SGCZ: variants seen among roughly 807,000 people sequenced by gnomAD.
SGCZ encodes sarcoglycan zeta.
SGCZ carries 40 observed loss-of-function variants against 41.3 expected under a neutral mutation model. The observed-to-expected ratio is 0.97, with a 90% CI of 0.75 to 1.26. The LOEUF (loss-of-function observed/expected upper bound fraction) is 1.26, where lower values mean the gene tolerates loss of function less well. Among genes scored for constraint, SGCZ ranks in the 50% most tolerant of loss-of-function variants. The probability of loss-of-function intolerance (pLI) is 0.00; values close to 1 mark genes in which losing one functional copy is unlikely to be tolerated. For missense variants in SGCZ, 552 were observed against 369.8 expected (o/e 1.49, Z -4.04); for synonymous variants, 206 against 137.5 (o/e 1.50, Z -3.49).
intron 2 of SGCZ, among the ~76,000 whole-genome samples, chr8:14,475,449 C>A (rs1407582049): frequency 6.6e-6 from 1 of 150,818 alleles, no homozygotes; most frequent in Non-Finnish European, 1.5e-5. Flanking sequence ...AGGATCATAT[C>A]CATGCATGAT....
chr8:15,057,873 C>G (rs1712752230), intron 1 of SGCZ, among the ~76,000 whole-genome samples: 1 of 152,112 alleles, frequency 6.6e-6, no homozygotes. Flanking sequence ...TGTATTCACC[C>G]ACTTGTGAGT....
intron 1 of SGCZ, among the ~76,000 whole-genome samples, chr8:15,158,636 T>G (rs2117035125): frequency 6.6e-6 from 1 of 152,346 alleles, no homozygotes; most frequent in Non-Finnish European, 1.5e-5. Context: ...ATAATTCATT[T>G]AGAATGTATA....
intron 1 of SGCZ, among the ~76,000 whole-genome samples, chr8:14,773,098 T>C (rs1800299339): frequency 6.6e-6 from 1 of 152,180 alleles, no homozygotes; most frequent in Admixed American, 6.5e-5. Context: ...TGTTGTTTCC[T>C]GACTTTTTAA....
At chr8:14,992,099 C>G (rs1433477047) in intron 1 of SGCZ, among the ~76,000 whole-genome samples, 2 of 147,824 alleles carry the variant, frequency 1.4e-5, no homozygotes, top group Non-Finnish European at 3.0e-5. Flanking sequence ...CTCATCCAAT[C>G]TACTCCCAAA....
intron 2 of SGCZ, among the ~76,000 whole-genome samples, chr8:14,379,294 C>T (rs1349921390): frequency 6.6e-6 from 1 of 152,150 alleles, no homozygotes. Context: ...GGAGATAAAA[C>T]TAACTTACGT....
intron 1 of SGCZ, among the ~76,000 whole-genome samples, chr8:14,686,404 G>A (rs562285765): frequency 6.6e-6 from 1 of 152,190 alleles, no homozygotes; most frequent in East Asian, 1.9e-4. Context: ...TCGAAACATA[G>A]CAAGAACAAT....
chr8:14,614,662 G>C (rs976200049), intron 1 of SGCZ, among the ~76,000 whole-genome samples: 2 of 152,058 alleles, frequency 1.3e-5, no homozygotes, highest in Non-Finnish European at 2.9e-5. Flanking sequence ...TTCATAGTTG[G>C]AGTTAGAAAA....
intron 1 of SGCZ, among the ~76,000 whole-genome samples, chr8:14,631,629 C>A (rs980670178): frequency 5.3e-5 from 8 of 152,116 alleles, no homozygotes; most frequent in Non-Finnish European, 1.0e-4. Context: ...CTCCCACCCA[C>A]CTCCTTGCTG....
chr8:14,640,189 A>G (rs1050752506), intron 1 of SGCZ, among the ~76,000 whole-genome samples: 15 of 151,738 alleles, frequency 9.9e-5, no homozygotes, highest in Non-Finnish European at 2.1e-4. Context: ...AAAGCAATTA[A>G]AATTGCTTTA....
chr8:14,781,820 C>T (rs1800597439), intron 1 of SGCZ, among the ~76,000 whole-genome samples: 1 of 152,014 alleles, frequency 6.6e-6, no homozygotes, highest in South Asian at 2.1e-4. Context: ...TATAGTTGGG[C>T]AAAATCATTG....
intron 1 of SGCZ, among the ~76,000 whole-genome samples, chr8:14,813,038 G>A (rs941557204): frequency 1.8e-4 from 28 of 152,148 alleles, no homozygotes; most frequent in African/African-American, 6.3e-4. Flanking sequence ...TTGAATAATT[G>A]AAATGTTAAA....
chr8:14,231,550 G>A (rs1257851222), intron 4 of SGCZ, among the ~76,000 whole-genome samples: 1 of 148,302 alleles, frequency 6.7e-6, no homozygotes, highest in African/African-American at 2.6e-5. Context: ...TTGCAGTTAA[G>A]TCTAGATTTT....
At chr8:14,552,374 T>A (rs1375564834) in intron 2 of SGCZ, among the ~76,000 whole-genome samples, 1 of 151,966 alleles carries the variant, frequency 6.6e-6, no homozygotes, top group African/African-American at 2.4e-5. Context: ...GTGTGTCACC[T>A]TACAGTGTGA....
chr8:14,523,810 G>C (rs374714446), intron 2 of SGCZ, among the ~76,000 whole-genome samples: 129 of 152,176 alleles, frequency 8.5e-4, no homozygotes, highest in Middle Eastern at 3.4e-3. Flanking sequence ...TTAAAAACTA[G>C]TGATGATACG....
At chr8:14,614,416 T>C (rs939359851) in intron 1 of SGCZ, among the ~76,000 whole-genome samples, 2 of 152,202 alleles carry the variant, frequency 1.3e-5, no homozygotes, top group Non-Finnish European at 2.9e-5. Flanking sequence ...ATTTCTAGCA[T>C]GAACAAAGTT....
chr8:15,053,137 C>G (rs1804577958), intron 1 of SGCZ, among the ~76,000 whole-genome samples: 1 of 152,138 alleles, frequency 6.6e-6, no homozygotes, highest in South Asian at 2.1e-4. Context: ...CAAGTGTCCT[C>G]TCTTTCCTAT....
At chr8:14,326,203 A>G (rs569054652) in intron 2 of SGCZ, among the ~76,000 whole-genome samples, 2 of 151,846 alleles carry the variant, frequency 1.3e-5, no homozygotes, top group South Asian at 4.2e-4. Context: ...AGATGTTTAT[A>G]AAACCAAGGA....
At chr8:15,028,024 G>A (rs557431924) in intron 1 of SGCZ, among the ~76,000 whole-genome samples, 13 of 151,982 alleles carry the variant, frequency 8.6e-5, no homozygotes, top group South Asian at 2.1e-4. Context: ...GTAAGTAAAT[G>A]GTAGAGTCAG....
intron 2 of SGCZ, among the ~76,000 whole-genome samples, chr8:14,515,828 T>C (rs1402619127): frequency 6.6e-6 from 1 of 152,110 alleles, no homozygotes; most frequent in Non-Finnish European, 1.5e-5. Flanking sequence ...AGTTTTAGTC[T>C]TTTTCAATTA....
Sources: allele counts gnomAD v4.1 joint callset (sites outside exome capture counted in the v4.1 genomes callset), GRCh38; gene constraint gnomAD v4.1.1; transcripts MANE v1.5; gene names NCBI Gene and HGNC (gene_info 2026-07-23, HGNC 2026-07-21).